PCDH15: variants seen among roughly 807,000 people sequenced by gnomAD.
The protein encoded by PCDH15 is protocadherin related 15, also known as protocadherin-15.
In PCDH15, 129 loss-of-function variants were observed where a neutral mutation model predicts 178.5. The ratio of observed to expected loss-of-function variants is 0.72; its 90% CI spans 0.63 to 0.84. The LOEUF (loss-of-function observed/expected upper bound fraction) is 0.84. Ranked by LOEUF, PCDH15 falls within the 40% of genes least tolerant of loss-of-function variation. PCDH15 has a pLI of 0.00. For missense variants in PCDH15, 2,230 were observed against 2,099.9 expected (o/e 1.06, Z -1.21); for synonymous variants, 800 against 732.0 (o/e 1.09, Z -1.50).
rs181785404 is a variant in PCDH15, at chr10:54,849,435, T to C, written c.-29+48015A>G. On this transcript the variant is annotated intron_variant, in intron 3 of 5. Transcript: ENST00000458638. ...GTTCCTTTGTGAATAAATGCGAAGC[T>C]TTAATTTAGGCCATTTTTCATAACC... Among the ~76,000 whole-genome samples, 85 of 152,300 alleles carry C rather than the reference T, an allele frequency of 5.6e-4. 1 individual carries two copies. The East Asian group carries it at 6.0e-3, about 11-fold the overall frequency.
intron 2 of PCDH15, among the ~76,000 whole-genome samples, chr10:54,904,479 A>C (rs2131828475): frequency 6.6e-6 from 1 of 152,164 alleles, no homozygotes; most frequent in Admixed American, 6.5e-5. Context: ...TTAAAAAAAA[A>C]ATCTCAGGTT....
chr10:53,942,962 A>G (rs1364861060), intron 23 of PCDH15, among the ~76,000 whole-genome samples: 3 of 152,346 alleles, frequency 2.0e-5, no homozygotes, highest in Non-Finnish European at 4.4e-5. Flanking sequence ...CATACTACTT[A>G]TCAAAAGTTT....
In PCDH15 at chr10:54,728,492, G is replaced by A. The variant is rs573112291; in HGVS notation, c.-28-64202C>T. The stretch of plus-strand genomic sequence containing the variant: ...CCCACAGAGAACATCATACTGAATC[G>A]GCACATGCTGGAAGAATTCTTCTTG... On this transcript the variant is annotated intron_variant, in intron 1 of 37. Coordinates refer to ENST00000644397, the MANE Select transcript of PCDH15 (RefSeq NM_001384140.1). 9.3e-5 allele frequency among the ~76,000 whole-genome samples: 14 copies of A among 150,458 alleles called. No homozygotes were observed. In the East Asian group the frequency reaches 9.8e-4, roughly 11 times the overall value.
At chr10:54,198,223 T>C (rs1023401301) in intron 10 of PCDH15, among the ~76,000 whole-genome samples, 3 of 152,110 alleles carry the variant, frequency 2.0e-5, no homozygotes, top group African/African-American at 7.2e-5. Context: ...GGATGTTCTT[T>C]TAGGAGTTAC....
intron 1 of PCDH15, among the ~76,000 whole-genome samples, chr10:54,727,657 G>A (rs1478847031): frequency 6.6e-6 from 1 of 151,188 alleles, no homozygotes; most frequent in Non-Finnish European, 1.5e-5. Context: ...AAAATATGTT[G>A]GTTCTTTGAA....
intron 9 of PCDH15, among the ~76,000 whole-genome samples, chr10:54,234,120 G>T (rs2054359705): frequency 6.9e-6 from 1 of 144,766 alleles, no homozygotes; most frequent in Non-Finnish European, 1.5e-5. Context: ...TCAGAGTCAT[G>T]GATATCCCCT....
intron 1 of PCDH15, among the ~76,000 whole-genome samples, chr10:54,701,782 C>T (rs920157865): frequency 2.0e-5 from 3 of 152,094 alleles, no homozygotes; most frequent in Non-Finnish European, 4.4e-5. Context: ...ATGCCCAACA[C>T]AGGGGCATCC....
At chr10:54,661,890 T>C (rs1421397112) in intron 2 of PCDH15, among the ~76,000 whole-genome samples, 1 of 152,002 alleles carries the variant, frequency 6.6e-6, no homozygotes, top group African/African-American at 2.4e-5. Flanking sequence ...TCTCTCACCA[T>C]ATGCAAAAAT....
chr10:54,996,323 A>G lies in PCDH15; in HGVS notation c.-79-98823T>C, dbSNP rs1315994746. Among the ~76,000 whole-genome samples, 6 of 152,174 alleles carry G rather than the reference A, an allele frequency of 3.9e-5. No individual in the cohort carries two copies. In the East Asian group the frequency reaches 9.7e-4, roughly 25 times the overall value. On this transcript the variant is annotated intron_variant, in intron 2 of 5. Coordinates refer to the PCDH15 transcript ENST00000458638. ...TGAGTGTCTTTTGTAGGTACCAGAT[A>G]GCTGGATATGCCGTCCTCAATTTGG...
At chr10:54,052,962 A>G (rs557937964) in intron 18 of PCDH15, among the ~76,000 whole-genome samples, 3 of 152,132 alleles carry the variant, frequency 2.0e-5, no homozygotes, top group Non-Finnish European at 4.4e-5. Context: ...CCCCATGTGA[A>G]GAAGGACACA....
intron 11 of PCDH15, among the ~76,000 whole-genome samples, chr10:54,192,116 A>AG (rs202237087): frequency 5.0e-5 from 7 of 140,696 alleles, no homozygotes; most frequent in South Asian, 2.3e-4. Context: ...AGAAAAAAAA[A>AG]AAAGAAAGAA....
At chr10:55,584,041 C>A (rs1457350461) in intron 2 of PCDH15, among the ~76,000 whole-genome samples, 10 of 151,940 alleles carry the variant, frequency 6.6e-5, no homozygotes, top group Admixed American at 6.6e-4. Flanking sequence ...CTGTGCTTGG[C>A]TAATTTTTTA....
chr10:54,760,375 AT>A (rs972866255), intron 1 of PCDH15, among the ~76,000 whole-genome samples: 13 of 65,214 alleles, frequency 2.0e-4, no homozygotes, highest in Middle Eastern at 0.012. Context: ...CAACATATAT[AT>A]TTTTTTTATC....
chr10:54,983,076 G>A (rs1839281081), intron 2 of PCDH15, among the ~76,000 whole-genome samples: 1 of 151,992 alleles, frequency 6.6e-6, no homozygotes, highest in Admixed American at 6.6e-5. Context: ...CTCTGAGTAG[G>A]CATATATCAA....
At chr10:53,917,267 T>C (rs1318440257) in intron 25 of PCDH15, among the ~76,000 whole-genome samples, 2 of 152,060 alleles carry the variant, frequency 1.3e-5, no homozygotes, top group Admixed American at 6.6e-5. Context: ...CCACTGATAA[T>C]ACAAGCCGAA....
At chr10:55,468,722 T>A (rs1248589957) in intron 2 of PCDH15, among the ~76,000 whole-genome samples, 2 of 152,170 alleles carry the variant, frequency 1.3e-5, no homozygotes, top group Non-Finnish European at 2.9e-5. Context: ...ATATTTGAAT[T>A]TCATTTGAGA....
intron 1 of PCDH15, among the ~76,000 whole-genome samples, chr10:55,281,296 C>A (rs1455240821): frequency 6.6e-6 from 1 of 152,012 alleles, no homozygotes; most frequent in Non-Finnish European, 1.5e-5. Context: ...ACTTGCTCCA[C>A]TTTATTGCCT....
intron 2 of PCDH15, among the ~76,000 whole-genome samples, chr10:54,631,470 A>T (rs2093698344): frequency 6.6e-6 from 1 of 152,180 alleles, no homozygotes; most frequent in Admixed American, 6.6e-5. Context: ...AATGTAAATT[A>T]GTTCAGCCTC....
At chr10:54,687,765 T>C (rs116878667) in intron 1 of PCDH15, among the ~76,000 whole-genome samples, 8,245 of 152,132 alleles carry the variant, frequency 0.054, 261 homozygotes, top group Middle Eastern at 0.15. Flanking sequence ...CTTGTCATGG[T>C]GGAAGTCAGA....
Sources: gnomAD v4.1 joint callset for allele counts (sites outside exome capture counted in the v4.1 genomes callset) on GRCh38, gnomAD v4.1.1 for gene constraint, MANE v1.5 for transcripts, NCBI Gene and HGNC (gene_info 2026-07-23, HGNC 2026-07-21) for gene names.